SRBD1: variants seen among roughly 807,000 people sequenced by gnomAD.
SRBD1 encodes the protein S1 RNA binding domain 1.
SRBD1 carries 88 observed loss-of-function variants against 115.3 expected under a neutral mutation model. The observed-to-expected ratio is 0.76, with a 90% CI of 0.64 to 0.91. The LOEUF is 0.91. SRBD1 is among the 40% of genes least tolerant of loss of function. SRBD1 has a pLI of 0.00. For synonymous variants in SRBD1, 509 were observed against 407.7 expected (o/e 1.25, Z -2.99); for missense variants, 1,385 against 1,177.4 (o/e 1.18, Z -2.58).
intron 16 of SRBD1, among the ~76,000 whole-genome samples, chr2:45,456,689 T>G (rs1365156777): frequency 6.6e-6 from 1 of 151,890 alleles, no homozygotes; most frequent in Non-Finnish European, 1.5e-5. Context: ...TGTTTTCATT[T>G]AAGGTCTTCT....
chr2:45,411,355 A>C (rs1309336397), intron 19 of SRBD1, among the ~76,000 whole-genome samples: 1 of 152,242 alleles, frequency 6.6e-6, no homozygotes, highest in Non-Finnish European at 1.5e-5. Flanking sequence ...GAAAATAGAT[A>C]AGCTGTGGTA....
chr2:45,435,564 A>G lies in SRBD1; in HGVS notation c.2050-15670T>C, dbSNP rs1668468226. 8.9e-5 allele frequency among the ~76,000 whole-genome samples: 6 copies of G among 67,396 alleles called. No individual in the cohort carries two copies. The Admixed American group carries it at 9.4e-4, about 11-fold the overall frequency. 44.2% of individuals were successfully genotyped at this position (67,396 alleles called of 152,430 possible). ...CAAGACAACACAAGGCCAGGGGAAA[A>G]AAAAAAAACAAAAAAAAAAAACAGC... On this transcript the variant is annotated intron_variant, in intron 16 of 20. Transcript: ENST00000263736.
chr2:45,471,624 G>A (rs892852095), intron 16 of SRBD1, among the ~76,000 whole-genome samples: 5 of 152,088 alleles, frequency 3.3e-5, no homozygotes, highest in African/African-American at 1.2e-4. Flanking sequence ...TCTACCAGCA[G>A]TGTATATAAA....
chr2:45,498,292 C>T (rs1670523165), intron 14 of SRBD1, among the ~76,000 whole-genome samples: 2 of 152,118 alleles, frequency 1.3e-5, no homozygotes, highest in Admixed American at 6.5e-5. Flanking sequence ...ATTCTAACTG[C>T]AAGTCTTTTA....
chr2:45,547,254 A>G (rs1355257039), intron 13 of SRBD1, among the ~76,000 whole-genome samples: 1 of 152,186 alleles, frequency 6.6e-6, no homozygotes, highest in Non-Finnish European at 1.5e-5. Flanking sequence ...AGGCAGGGAG[A>G]GAGGGAGAAA....
chr2:45,391,915 C>A (rs1293938030), intron 20 of SRBD1, among the ~76,000 whole-genome samples: 1 of 152,138 alleles, frequency 6.6e-6, no homozygotes, highest in Non-Finnish European at 1.5e-5. Context: ...ATACCACCTC[C>A]AAATCCAGTA....
At chr2:45,530,801 G>A (rs897759495) in intron 14 of SRBD1, among the ~76,000 whole-genome samples, 7 of 151,960 alleles carry the variant, frequency 4.6e-5, no homozygotes, top group South Asian at 2.1e-4. Context: ...ATGACAGTAA[G>A]ATGTTCTACT....
intron 14 of SRBD1, among the ~76,000 whole-genome samples, chr2:45,528,270 C>T (rs1162099054): frequency 6.6e-6 from 1 of 151,744 alleles, no homozygotes; most frequent in African/African-American, 2.4e-5. Flanking sequence ...AGAGACTATA[C>T]ATGAAAAGTA....
intron 19 of SRBD1, among the ~76,000 whole-genome samples, chr2:45,402,664 T>C (rs774050853): frequency 6.6e-5 from 10 of 152,170 alleles, no homozygotes; most frequent in Non-Finnish European, 1.0e-4. Flanking sequence ...CAAGTGACAG[T>C]CTTGACAATA....
At chr2:45,521,973 AAAAGAAAGAAAG>A (rs755665263) in intron 14 of SRBD1, among the ~76,000 whole-genome samples, 1 of 151,990 alleles carries the variant, frequency 6.6e-6, no homozygotes, top group Non-Finnish European at 1.5e-5. Flanking sequence ...ATCTCCCAAA[AAAAGAAAGAAAG>A]AAAGAAAGAA....
intron 14 of SRBD1, among the ~76,000 whole-genome samples, chr2:45,505,323 A>G (rs1670765081): frequency 6.6e-6 from 1 of 152,208 alleles, no homozygotes. Context: ...CAGAGCCACA[A>G]AGAAGCTGCC....
chr2:45,462,811 G>A (rs1241211430), intron 16 of SRBD1, among the ~76,000 whole-genome samples: 2 of 151,942 alleles, frequency 1.3e-5, no homozygotes, highest in Non-Finnish European at 2.9e-5. Flanking sequence ...GGGCAACAGA[G>A]CGAGACTGCA....
intron 15 of SRBD1, among the ~76,000 whole-genome samples, chr2:45,485,965 G>T (rs187614455): frequency 6.6e-6 from 1 of 152,222 alleles, no homozygotes; most frequent in East Asian, 1.9e-4. Flanking sequence ...TATTAAACAT[G>T]GTCATTGCCA....
intron 16 of SRBD1, among the ~76,000 whole-genome samples, chr2:45,422,659 T>C (rs1668041831): frequency 6.6e-6 from 1 of 152,208 alleles, no homozygotes; most frequent in Non-Finnish European, 1.5e-5. Context: ...TCTTCTGACA[T>C]GGATGGTCAA....
intron 9 of SRBD1, among the ~76,000 whole-genome samples, chr2:45,565,980 T>C (rs12622225): frequency 0.047 from 7,113 of 152,268 alleles, 252 homozygotes; most frequent in East Asian, 0.15. Flanking sequence ...TCAAAAATTA[T>C]ATACAAATGA....
At chr2:45,503,816 C>A (rs1431644001) in intron 14 of SRBD1, among the ~76,000 whole-genome samples, 1 of 152,040 alleles carries the variant, frequency 6.6e-6, no homozygotes, top group African/African-American at 2.4e-5. Context: ...TTCCAAAAAG[C>A]AAATCCAAAG....
chr2:45,402,705 G>C (rs1413617301), intron 19 of SRBD1, among the ~76,000 whole-genome samples: 4 of 152,258 alleles, frequency 2.6e-5, no homozygotes, highest in Admixed American at 6.5e-5. Context: ...GTTAAATCAA[G>C]AGCACAACCA....
At chr2:45,432,800 A>G (rs1668379668) in intron 16 of SRBD1, among the ~76,000 whole-genome samples, 1 of 152,204 alleles carries the variant, frequency 6.6e-6, no homozygotes, top group Admixed American at 6.5e-5. Flanking sequence ...AAAATTTATG[A>G]GATTTTTACA....
chr2:45,409,966 C>A (rs1193546007), intron 19 of SRBD1, among the ~76,000 whole-genome samples: 1 of 151,790 alleles, frequency 6.6e-6, no homozygotes, highest in African/African-American at 2.4e-5. Flanking sequence ...AGAGGTAAAC[C>A]ACAAACTGGG....
Sources: allele counts gnomAD v4.1 joint callset (sites outside exome capture counted in the v4.1 genomes callset), GRCh38; gene constraint gnomAD v4.1.1; transcripts MANE v1.5; gene names NCBI Gene and HGNC (gene_info 2026-07-23, HGNC 2026-07-21).